Variants in GAN observed in about 807,000 individuals in gnomAD.
GAN encodes epididymis secretory sperm binding protein.
GAN carries 48 observed loss-of-function variants against 71.3 expected under a neutral mutation model. The observed-to-expected ratio is 0.67, with a 90% CI of 0.53 to 0.86. The LOEUF is 0.86. GAN is among the 40% of genes least tolerant of loss of function. The pLI is 0.00. For missense variants in GAN, 928 were observed against 770.1 expected (o/e 1.21, Z -2.43); for synonymous variants, 386 against 276.8 (o/e 1.39, Z -3.92).
chr16:81,334,363 G>T (rs1011512122), intron 1 of GAN, among the ~76,000 whole-genome samples: 8 of 152,188 alleles, frequency 5.3e-5, no homozygotes, highest in Admixed American at 1.3e-4. Context: ...CTTCATTACT[G>T]TGTTGTTGGT....
chr16:81,333,812 T>G (rs747493158), intron 1 of GAN, among the ~76,000 whole-genome samples: 12 of 152,138 alleles, frequency 7.9e-5, no homozygotes, highest in South Asian at 4.1e-4. Flanking sequence ...TTTCACTGGT[T>G]TGGTTACACG....
intron 1 of GAN, among the ~76,000 whole-genome samples, chr16:81,337,250 C>T (rs1047952529): frequency 6.6e-6 from 1 of 152,158 alleles, no homozygotes; most frequent in African/African-American, 2.4e-5. Context: ...AGGGTCCGTT[C>T]CTGATAGCTA....
intron 1 of GAN, among the ~76,000 whole-genome samples, chr16:81,333,333 G>A (rs902916760): frequency 1.3e-5 from 2 of 151,508 alleles, no homozygotes; most frequent in Non-Finnish European, 2.9e-5. Flanking sequence ...TTGAGATTAT[G>A]TAAATATCCC....
intron 9 of GAN, 73 bp from the exon 10 acceptor site, chr16:81,377,146 C>A: frequency 3.3e-6 from 3 of 909,230 alleles, no homozygotes; most frequent in Non-Finnish European, 5.6e-6. Context: ...ACCAAGCTTG[C>A]TGTGTCAGTC....
At chr16:81,370,031 A>G (rs1910987970) in intron 9 of GAN, among the ~76,000 whole-genome samples, 1 of 152,234 alleles carries the variant, frequency 6.6e-6, no homozygotes, top group African/African-American at 2.4e-5. Context: ...TGACATAGCT[A>G]ATGTATTTTC....
chr16:81,315,352 C>A (rs1376761701), intron 1 of GAN, 72 bp downstream of exon 1: 22 of 1,178,270 alleles, frequency 1.9e-5, no homozygotes, highest in East Asian at 3.4e-5. Context: ...CCGGGCCGGG[C>A]GTGGCCCCCA....
chr16:81,350,972 A>G (rs1910281563), intron 1 of GAN, among the ~76,000 whole-genome samples: 1 of 152,256 alleles, frequency 6.6e-6, no homozygotes, highest in Admixed American at 6.5e-5. Context: ...CCAGTGTGAT[A>G]TGCACACCTC....
chr16:81,342,954 C>T (rs572284716), intron 1 of GAN, among the ~76,000 whole-genome samples: 56 of 152,174 alleles, frequency 3.7e-4, no homozygotes, highest in African/African-American at 6.7e-4. Flanking sequence ...ATATCACCAC[C>T]GATCCCAAAG....
At chr16:81,323,525 T>C (rs770068709) in intron 1 of GAN, among the ~76,000 whole-genome samples, 2 of 152,244 alleles carry the variant, frequency 1.3e-5, no homozygotes, top group African/African-American at 4.8e-5. Context: ...GGGTTGTGTT[T>C]ACCAATAATA....
At chr16:81,326,103 A>G (rs571333940) in intron 1 of GAN, among the ~76,000 whole-genome samples, 196 of 152,338 alleles carry the variant, frequency 1.3e-3, no homozygotes, top group African/African-American at 4.4e-3. Flanking sequence ...CAAGGAGTGC[A>G]TCATCGCCTC....
Position 81,382,687 on chromosome 16 carries a change from T to C in GAN, c.*5091T>C, listed in dbSNP as rs1330529197. Reference sequence around the variant, plus strand: ...TGAGAAGGGGCCCATTTGCCCATATTTGATAACACAGACTTGGATTGAGTG... The same window carrying C: ...TGAGAAGGGGCCCATTTGCCCATATCTGATAACACAGACTTGGATTGAGTG... On this transcript the variant is annotated 3_prime_UTR_variant, in exon 11 of 11. Coordinates refer to ENST00000648994, the MANE Select transcript of GAN (RefSeq NM_022041.4). 2.0e-5 allele frequency: 3 copies of C among 152,214 alleles called. No homozygotes were observed. Among genetic ancestry groups the C allele is most frequent in the African/African-American group, 7.2e-5 (3 of 41,458 alleles). 9.4% of individuals were successfully genotyped at this position (152,214 alleles called of 1,614,324 possible).
chr16:81,321,333 C>G (rs1419701708), intron 1 of GAN, among the ~76,000 whole-genome samples: 8 of 152,170 alleles, frequency 5.3e-5, no homozygotes, highest in Admixed American at 5.2e-4. Context: ...AAACCTAGCT[C>G]TGGTTAATTT....
rs1280666827 is a variant in GAN at position 81,357,993 on chromosome 16, T to G, written c.973+62T>G. On this transcript the variant is annotated intron_variant, in intron 5 of 10. Transcript: ENST00000648994. ...TCAAGTAATGTGTAATCTCAAGGTT[T>G]TACAGAATGACTCAGAGCCTTTTAA... 7 of 1,387,202 alleles carry G rather than the reference T, an allele frequency of 5.0e-6. No homozygotes were observed. In the East Asian group the frequency reaches 1.6e-4, roughly 32 times the overall value. The allele number at this position is 1,387,202 out of a possible 1,614,324, so 85.9% of individuals were successfully genotyped here.
chr16:81,330,063 G>A (rs575756256), intron 1 of GAN, among the ~76,000 whole-genome samples: 1 of 152,218 alleles, frequency 6.6e-6, no homozygotes, highest in East Asian at 1.9e-4. Flanking sequence ...CAGACCTCTC[G>A]TTTCTACCTC....
At chr16:81,332,512 C>T (rs546256662) in intron 1 of GAN, among the ~76,000 whole-genome samples, 8 of 152,222 alleles carry the variant, frequency 5.3e-5, no homozygotes, top group Non-Finnish European at 1.2e-4. Flanking sequence ...CCTTGGTGTA[C>T]TTGCTCTCCC....
intron 1 of GAN, among the ~76,000 whole-genome samples, chr16:81,350,319 C>A (rs1028656428): frequency 3.3e-5 from 5 of 152,130 alleles, no homozygotes; most frequent in African/African-American, 1.2e-4. Flanking sequence ...TACCATATTT[C>A]ACTCATTCAA....
intron 2 of GAN, among the ~76,000 whole-genome samples, chr16:81,353,333 A>G (rs1182995588): frequency 2.0e-5 from 3 of 152,178 alleles, no homozygotes; most frequent in Non-Finnish European, 4.4e-5. Context: ...AGTTATAACA[A>G]ACTCCTGAAT....
intron 9 of GAN, among the ~76,000 whole-genome samples, chr16:81,366,603 G>A (rs1348376227): frequency 6.6e-6 from 1 of 152,166 alleles, no homozygotes; most frequent in East Asian, 1.9e-4. Context: ...TTACAAAGAT[G>A]CTGCAAATGC....
At chr16:81,370,231 T>A (rs1217817089) in intron 9 of GAN, among the ~76,000 whole-genome samples, 2 of 152,236 alleles carry the variant, frequency 1.3e-5, no homozygotes, top group Non-Finnish European at 2.9e-5. Flanking sequence ...TCTACCCCAC[T>A]GACCACATTG....
Sources: gnomAD v4.1 joint callset for allele counts (sites outside exome capture counted in the v4.1 genomes callset) on GRCh38, gnomAD v4.1.1 for gene constraint, MANE v1.5 for transcripts, NCBI Gene and HGNC (gene_info 2026-07-23, HGNC 2026-07-21) for gene names.